The following CAMK1D variants were observed in gnomAD, a reference collection of about 807,000 sequenced individuals.
CAMK1D encodes the protein calcium/calmodulin-dependent protein kinase type 1D.
A neutral mutation model predicts 47.7 loss-of-function variants in CAMK1D; 9 were observed. The observed-to-expected ratio is 0.19, with a 90% confidence interval of 0.11 to 0.33. CAMK1D has a LOEUF of 0.33. Ranked by LOEUF, CAMK1D falls within the 10% of genes least tolerant of loss-of-function variation. CAMK1D has a pLI of 1.00. For synonymous variants in CAMK1D, 184 were observed against 184.9 expected, an observed-to-expected ratio of 0.99 and a Z score of 0.04; for missense variants, 291 against 488.7, an observed-to-expected ratio of 0.60 and a Z score of 3.81.
intron 2 of CAMK1D, among the ~76,000 whole-genome samples, chr10:12,660,896 G>A (rs1436564962): frequency 6.6e-6 from 1 of 152,196 alleles, no homozygotes; most frequent in Non-Finnish European, 1.5e-5. Context: ...GCCATACTTT[G>A]GAAAGAGTGT....
At chr10:12,742,172 G>T (rs910017275) in intron 3 of CAMK1D, among the ~76,000 whole-genome samples, 2 of 152,242 alleles carry the variant, frequency 1.3e-5, no homozygotes, top group Non-Finnish European at 1.5e-5. Flanking sequence ...GTCTCGCTCT[G>T]TTGCCCAGGC....
rs188875463 is a variant in CAMK1D, at chr10:12,766,139, A to G, written c.439-3534A>G. ...TGCCACCACGCCCGGCTAGTTTTGT[A>G]TTTTTAGTAGAGACAGGGTTTCTCC... On this transcript the variant is annotated intron_variant, in intron 4 of 10. Transcript: ENST00000619168. Among the ~76,000 whole-genome samples, 1,410 of 151,440 alleles carry G rather than the reference A, an allele frequency of 9.3e-3. 25 individuals carry two copies. The highest frequency in any genetic ancestry group is 0.032 in the African/African-American group (1,329 of 41,260).
intron 2 of CAMK1D, among the ~76,000 whole-genome samples, chr10:12,600,264 C>A: frequency 6.6e-6 from 1 of 152,164 alleles, no homozygotes; most frequent in Non-Finnish European, 1.5e-5. Flanking sequence ...CTGGGTGGGC[C>A]CCCCTGTTTC....
intron 2 of CAMK1D, among the ~76,000 whole-genome samples, chr10:12,610,045 C>T (rs1426455847): frequency 6.6e-6 from 1 of 152,190 alleles, no homozygotes; most frequent in South Asian, 2.1e-4. Context: ...ACAACGGGCT[C>T]TTGGGGCAGT....
chr10:12,779,515 G>A (rs946565577), intron 5 of CAMK1D, among the ~76,000 whole-genome samples: 5 of 151,916 alleles, frequency 3.3e-5, no homozygotes, highest in African/African-American at 7.3e-5. Context: ...CTGCAGCCTC[G>A]ATCCCCTGGG....
rs1404443988 is a variant in CAMK1D at position 12,354,645 on chromosome 10, C to T, written c.92+4735C>T. On this transcript the variant is annotated intron_variant, in intron 1 of 10. Coordinates refer to ENST00000619168, the MANE Select transcript of CAMK1D (RefSeq NM_153498.4). ...CAAGACGGTCTCGATCTCCTGACCTCGTGATCCGCCTGCCTCGGCCTCCCA... is the reference window on the plus strand; with the variant it reads ...CAAGACGGTCTCGATCTCCTGACCTTGTGATCCGCCTGCCTCGGCCTCCCA... Among the ~76,000 whole-genome samples the T allele has an allele frequency of 2.6e-5, 4 of 151,920 alleles. No homozygotes were observed. In the East Asian group the frequency reaches 7.7e-4, roughly 29 times the overall value.
intron 1 of CAMK1D, among the ~76,000 whole-genome samples, chr10:12,549,378 C>T (rs1341367436): frequency 1.3e-5 from 2 of 152,228 alleles, no homozygotes; most frequent in Non-Finnish European, 2.9e-5. Flanking sequence ...CATGTTCCAG[C>T]ATGGGTCAGA....
chr10:12,387,424 ATT>A (rs1413018821), intron 1 of CAMK1D, among the ~76,000 whole-genome samples: 145 of 73,066 alleles, frequency 2.0e-3, no homozygotes, highest in East Asian at 5.6e-3. Context: ...TATTTTATAT[ATT>A]TTATATATTA....
chr10:12,766,290 C>CCA (rs1564545829), intron 4 of CAMK1D, among the ~76,000 whole-genome samples: 4 of 143,368 alleles, frequency 2.8e-5, no homozygotes, highest in African/African-American at 5.1e-5. Context: ...GCCCCGTGCC[C>CCA]TGCCATCCCC....
chr10:12,808,988 G>A (rs1832488116), intron 6 of CAMK1D, among the ~76,000 whole-genome samples: 1 of 151,854 alleles, frequency 6.6e-6, no homozygotes, highest in South Asian at 2.1e-4. Context: ...GTGGTGGTGT[G>A]CACCTGTAAT....
At chr10:12,543,665 A>G (rs571304300) in intron 1 of CAMK1D, among the ~76,000 whole-genome samples, 2 of 152,326 alleles carry the variant, frequency 1.3e-5, no homozygotes, top group African/African-American at 4.8e-5. Flanking sequence ...GTCTGTTTTT[A>G]GCCAAGGCAT....
chr10:12,799,080 T>C (rs1301856697), intron 6 of CAMK1D, among the ~76,000 whole-genome samples: 1 of 152,094 alleles, frequency 6.6e-6, no homozygotes, highest in East Asian at 1.9e-4. Context: ...AGGGATTCCA[T>C]CGTACACCAG....
chr10:12,526,886 A>G (rs961439495), intron 1 of CAMK1D, among the ~76,000 whole-genome samples: 4 of 114,038 alleles, frequency 3.5e-5, no homozygotes, highest in African/African-American at 1.4e-4. Flanking sequence ...TCATTGAGCA[A>G]AACCCTATCT....
At chr10:12,459,473 T>C (rs1174577939) in intron 1 of CAMK1D, among the ~76,000 whole-genome samples, 3 of 152,112 alleles carry the variant, frequency 2.0e-5, no homozygotes, top group Non-Finnish European at 4.4e-5. Flanking sequence ...AAAATTCCTC[T>C]TCACTGTGAT....
chr10:12,385,739 CTTTTTTTTTTTT>C (rs71384318), intron 1 of CAMK1D, among the ~76,000 whole-genome samples: 2 of 100,546 alleles, frequency 2.0e-5, no homozygotes, highest in Non-Finnish European at 1.9e-5. Context: ...TTGAATTGTA[CTTTTTTTTTTTT>C]TTTTTTTTTT....
At chr10:12,791,675 G>A (rs1837984114) in intron 6 of CAMK1D, among the ~76,000 whole-genome samples, 1 of 120,700 alleles carries the variant, frequency 8.3e-6, no homozygotes, top group South Asian at 2.5e-4. Flanking sequence ...TTTAAAAACT[G>A]AGTATATTCC....
intron 2 of CAMK1D, among the ~76,000 whole-genome samples, chr10:12,617,826 C>A (rs1294581394): frequency 6.6e-6 from 1 of 152,176 alleles, no homozygotes; most frequent in African/African-American, 2.4e-5. Flanking sequence ...CTGGTTTCCA[C>A]TGGTGAGCTC....
intron 1 of CAMK1D, among the ~76,000 whole-genome samples, chr10:12,548,439 A>G (rs1253336450): frequency 7.5e-6 from 1 of 133,310 alleles, no homozygotes; most frequent in Non-Finnish European, 1.6e-5. Context: ...AAACTTTACC[A>G]TTTTAAGCTT....
intron 3 of CAMK1D, among the ~76,000 whole-genome samples, chr10:12,757,287 T>C (rs4606372): frequency 0.23 from 34,238 of 152,088 alleles, 3,880 homozygotes; most frequent in Middle Eastern, 0.31. Flanking sequence ...TTATTCATTT[T>C]AATTTATTGA....
Sources: gnomAD v4.1 joint callset for allele counts (sites outside exome capture counted in the v4.1 genomes callset) on GRCh38, gnomAD v4.1.1 for gene constraint, MANE v1.5 for transcripts, NCBI Gene and HGNC (gene_info 2026-07-23, HGNC 2026-07-21) for gene names.